Variants in TRAPPC10 observed in about 807,000 individuals in gnomAD.
TRAPPC10 encodes trafficking protein particle complex subunit 10, also known as TRAPP 130 kDa subunit.
In TRAPPC10, 23 loss-of-function variants were observed where a neutral mutation model predicts 125.5. The ratio of observed to expected loss-of-function variants is 0.18; its 90% CI spans 0.13 to 0.26. The LOEUF is 0.26. TRAPPC10 is among the 10% of genes least tolerant of loss of function. The pLI is 1.00. For missense variants in TRAPPC10, 1,123 were observed against 1,308.4 expected, an observed-to-expected ratio of 0.86 and a Z score of 2.19; for synonymous variants, 509 against 518.0, an observed-to-expected ratio of 0.98 and a Z score of 0.24.
At chr21:44,055,598 G>GA in intron 4 of TRAPPC10, 100 bp from the exon 5 acceptor site, 1 of 927,652 alleles carries the variant, frequency 1.1e-6, no homozygotes, top group Admixed American at 2.4e-5. Flanking sequence ...AAAAAAGGAG[G>GA]AGGAAGGAAG....
chr21:44,082,800 T>C lies in TRAPPC10; in HGVS notation c.1736T>C (p.Val579Ala). The change falls in exon 14 of 23, where the codon GTG (valine) becomes GCG (alanine). Residue 579 changes from valine (V) to alanine (A), a missense_variant. This residue lies in a region of TRAPPC10 where 840 missense variants were observed against 902.0 expected (regional missense o/e 0.93). Transcript: ENST00000291574. The surrounding 1 kb of genome is among the most constrained non-coding windows in gnomAD (Gnocchi z 4.4). ...TGTCTATTTACAGGTCATAAGATAG[T>C]GCTACCCATGCATTCCTTTGCACAA... ...QPSDSPGHKI[V>A]LPMHSFAQLR... 1 of 1,614,048 alleles carries C rather than the reference T, an allele frequency of 6.2e-7. No homozygotes were observed. The highest frequency in any genetic ancestry group is 8.5e-7 in the Non-Finnish European group (1 of 1,180,018).
At chr21:44,045,180 G>T (rs148297317) in intron 3 of TRAPPC10, among the ~76,000 whole-genome samples, 1 of 151,974 alleles carries the variant, frequency 6.6e-6, no homozygotes, top group East Asian at 1.9e-4. Context: ...TGATCCGCCC[G>T]CCTCTGCCTC....
At chr21:44,021,819 A>G (rs574356870) in intron 1 of TRAPPC10, among the ~76,000 whole-genome samples, 1 of 152,278 alleles carries the variant, frequency 6.6e-6, no homozygotes, top group East Asian at 1.9e-4. Flanking sequence ...AGGAAAGGCC[A>G]CCTGAGGATA....
At chr21:44,032,233 T>G in intron 2 of TRAPPC10, 61 bp downstream of exon 2, 5 of 1,352,148 alleles carry the variant, frequency 3.7e-6, no homozygotes, top group Non-Finnish European at 4.2e-6. Flanking sequence ...GAAGTACATG[T>G]TTTTAAATAA....
rs371268956 is a variant in TRAPPC10 at position 44,089,937 on chromosome 21, A to G, written c.2870+4A>G. ...GCCTCCTGTCCTCAGGAACACGGTA[A>G]CGGAGGCGTAGCGTGCGGGCCCTGG... is the stretch of plus-strand genomic sequence containing the variant. On this transcript the variant is annotated splice_donor_region_variant and intron_variant, in intron 18 of 22. Transcript: ENST00000291574. 3.7e-6 allele frequency: 6 copies of G among 1,610,170 alleles called. No individual in the cohort carries two copies. Among genetic ancestry groups the G allele is most frequent in the Non-Finnish European group, 4.2e-6 (5 of 1,176,966 alleles).
intron 2 of TRAPPC10, 28 bp from the exon 3 acceptor site, chr21:44,037,764 C>T: frequency 6.2e-7 from 1 of 1,602,510 alleles, no homozygotes; most frequent in Non-Finnish European, 8.5e-7. Flanking sequence ...TAGTTGTTTT[C>T]TCAGTGACTT....
At chr21:44,014,705 G>A (rs2031617581) in intron 1 of TRAPPC10, among the ~76,000 whole-genome samples, 1 of 151,528 alleles carries the variant, frequency 6.6e-6, no homozygotes, top group Admixed American at 6.6e-5. Flanking sequence ...TGGGATTACA[G>A]GCTTGAGCCC....
At chr21:44,077,392 A>T (rs930863514) in intron 10 of TRAPPC10, among the ~76,000 whole-genome samples, 1 of 152,210 alleles carries the variant, frequency 6.6e-6, no homozygotes, top group East Asian at 1.9e-4. Context: ...GTTTGAGACC[A>T]GCCTAGCCAA....
Position 44,036,496 on chromosome 21 carries a change from G to A in TRAPPC10, c.150-1296G>A, listed in dbSNP as rs559856025. ...CCCCATCACTTCTGTGTGCAGTTCT[G>A]TTCCATCACTTCTGTGTACAGAAAG... On this transcript the variant is annotated intron_variant, in intron 2 of 22. Transcript: ENST00000291574. Among the ~76,000 whole-genome samples the A allele has an allele frequency of 2.0e-5, 3 of 152,208 alleles. No homozygotes were observed. The South Asian group carries it at 6.2e-4, about 31-fold the overall frequency.
At chr21:44,021,139 G>A (rs1259984906) in intron 1 of TRAPPC10, among the ~76,000 whole-genome samples, 1 of 152,190 alleles carries the variant, frequency 6.6e-6, no homozygotes, top group Non-Finnish European at 1.5e-5. Flanking sequence ...CTGAGAACTT[G>A]ATACCCAGCA....
At position 44,023,254 on chromosome 21, in the gene TRAPPC10, G is replaced by A. The variant is rs1013780267; in HGVS notation, c.68-8837G>A. ...TCACCGTGTTAGCCAGGATGGTCTC[G>A]ATCTCCTGACCTCGTCGTGATCCTC... On this transcript the variant is annotated intron_variant, in intron 1 of 22. Coordinates refer to ENST00000291574, the MANE Select transcript of TRAPPC10 (RefSeq NM_003274.5). 2.4e-4 allele frequency among the ~76,000 whole-genome samples: 37 copies of A among 151,504 alleles called. 1 individual carries two copies. Among genetic ancestry groups the A allele is most frequent in the Non-Finnish European group, 2.1e-4 (14 of 67,900 alleles).
At chr21:44,058,989 G>A in intron 5 of TRAPPC10, 114 bp from the exon 6 acceptor site, 1 of 690,104 alleles carries the variant, frequency 1.4e-6, no homozygotes, top group Non-Finnish European at 2.4e-6. Context: ...GCGGAGCGTA[G>A]ACATTATTCA....
At chr21:44,039,626 G>A (rs1236691531) in intron 3 of TRAPPC10, among the ~76,000 whole-genome samples, 1 of 152,212 alleles carries the variant, frequency 6.6e-6, no homozygotes, top group Non-Finnish European at 1.5e-5. Context: ...CAGCACTTTG[G>A]GAGGCCAAGG....
intron 2 of TRAPPC10, among the ~76,000 whole-genome samples, chr21:44,035,954 G>A (rs2033952093): frequency 6.6e-6 from 1 of 152,114 alleles, no homozygotes; most frequent in African/African-American, 2.4e-5. Flanking sequence ...TTAGAGACTC[G>A]GGAGATCATT....
intron 3 of TRAPPC10, among the ~76,000 whole-genome samples, chr21:44,039,295 C>T (rs1249235574): frequency 6.6e-6 from 1 of 152,222 alleles, no homozygotes; most frequent in Non-Finnish European, 1.5e-5. Flanking sequence ...TCTGCTCAGG[C>T]AGTGGTTAGT....
intron 7 of TRAPPC10, among the ~76,000 whole-genome samples, chr21:44,072,615 C>T (rs368056165): frequency 6.6e-6 from 1 of 152,190 alleles, no homozygotes; most frequent in Non-Finnish European, 1.5e-5. Flanking sequence ...AGGTGCATGC[C>T]ACCACACCCG....
rs77540566 is a variant in TRAPPC10 at position 44,068,559 on chromosome 21, A to G, written c.1038+4774A>G. Among the ~76,000 whole-genome samples the G allele has an allele frequency of 9.2e-3, 1,400 of 152,298 alleles. 34 individuals are homozygous for G. Among genetic ancestry groups the G allele is most frequent in the African/African-American group, 0.032 (1,349 of 41,544 alleles). On this transcript the variant is annotated intron_variant, in intron 7 of 22. Coordinates refer to ENST00000291574, the MANE Select transcript of TRAPPC10 (RefSeq NM_003274.5). ...TGAAGAGTTTGGAAACTTCTGCCAT[A>G]GTCCAAGGGAAAAGACGGAGTTCCA...
chr21:44,046,993 C>A, intron 3 of TRAPPC10: 1 of 800,856 alleles, frequency 1.2e-6, no homozygotes, highest in Non-Finnish European at 2.2e-6. Context: ...CGGGAAACCG[C>A]CTTTGTCTTG....
At chr21:44,050,239 T>C (rs919998086) in intron 3 of TRAPPC10, among the ~76,000 whole-genome samples, 5 of 152,106 alleles carry the variant, frequency 3.3e-5, no homozygotes, top group African/African-American at 1.2e-4. Context: ...CCCAGGATTA[T>C]GTGGAACTTC....
Sources: allele counts gnomAD v4.1 joint callset (sites outside exome capture counted in the v4.1 genomes callset), GRCh38; gene constraint gnomAD v4.1.1; regional missense constraint gnomAD v4.1.1; non-coding constraint Gnocchi (gnomAD v3.1); transcripts MANE v1.5; gene names NCBI Gene and HGNC (gene_info 2026-07-23, HGNC 2026-07-21).